Variants in SSBP2 observed in about 807,000 individuals in gnomAD.
SSBP2 encodes the protein single stranded DNA binding protein 2, also known as single-stranded DNA-binding protein 2.
SSBP2 carries 17 observed loss-of-function variants against 61.8 expected under a neutral mutation model. The observed-to-expected ratio is 0.28, with a 90% CI of 0.19 to 0.41. SSBP2 has a LOEUF of 0.41. SSBP2 is among the 10% of genes least tolerant of loss of function. SSBP2 has a pLI of 1.00. For synonymous variants in SSBP2, 139 were observed against 141.3 expected (o/e 0.98, Z 0.12); for missense variants, 310 against 458.7 (o/e 0.68, Z 2.96).
At chr5:81,744,994 C>A (rs1308753276) in intron 1 of SSBP2, among the ~76,000 whole-genome samples, 1 of 151,974 alleles carries the variant, frequency 6.6e-6, no homozygotes, top group Non-Finnish European at 1.5e-5. Context: ...AATTTTTGGT[C>A]CTATAATTAT....
At chr5:81,515,028 C>T (rs1768907939) in intron 4 of SSBP2, among the ~76,000 whole-genome samples, 1 of 151,906 alleles carries the variant, frequency 6.6e-6, no homozygotes, top group Admixed American at 6.6e-5. Flanking sequence ...AATTAGCGCA[C>T]ATTAATGGAA....
At chr5:81,626,588 T>G (rs1747171896) in intron 3 of SSBP2, among the ~76,000 whole-genome samples, 1 of 152,058 alleles carries the variant, frequency 6.6e-6, no homozygotes, top group African/African-American at 2.4e-5. Context: ...ATTATAAGAG[T>G]GGGATGGATA....
chr5:81,577,659 G>C (rs1475985074), intron 4 of SSBP2, among the ~76,000 whole-genome samples: 2 of 151,756 alleles, frequency 1.3e-5, no homozygotes, highest in Non-Finnish European at 2.9e-5. Context: ...CATTTGTCCT[G>C]AAAATCAATA....
At chr5:81,427,333 C>T (rs1477741371) in intron 16 of SSBP2, among the ~76,000 whole-genome samples, 1 of 151,930 alleles carries the variant, frequency 6.6e-6, no homozygotes, top group African/African-American at 2.4e-5. Flanking sequence ...TTTTTTTCAA[C>T]TGTAAACTGT....
intron 4 of SSBP2, among the ~76,000 whole-genome samples, chr5:81,565,842 T>C (rs1773380966): frequency 6.6e-6 from 1 of 152,210 alleles, no homozygotes; most frequent in East Asian, 1.9e-4. Context: ...AATTTATAGC[T>C]TCTCACATGT....
intron 3 of SSBP2, among the ~76,000 whole-genome samples, chr5:81,616,775 C>A (rs573245550): frequency 7.9e-5 from 12 of 151,578 alleles, no homozygotes; most frequent in Admixed American, 5.9e-4. Context: ...AGACTGCCTC[C>A]TCAAGTGGGT....
intron 1 of SSBP2, among the ~76,000 whole-genome samples, chr5:81,670,747 T>C (rs1281096163): frequency 6.6e-6 from 1 of 152,208 alleles, no homozygotes; most frequent in East Asian, 1.9e-4. Flanking sequence ...CATTTTGGCA[T>C]TTAAATCTAC....
chr5:81,729,547 G>A (rs911726389), intron 1 of SSBP2, among the ~76,000 whole-genome samples: 1 of 152,044 alleles, frequency 6.6e-6, no homozygotes, highest in Non-Finnish European at 1.5e-5. Flanking sequence ...GGCCTGACAT[G>A]AACCAATGAT....
intron 4 of SSBP2, among the ~76,000 whole-genome samples, chr5:81,562,440 G>C (rs1467073319): frequency 1.3e-5 from 2 of 151,928 alleles, no homozygotes; most frequent in Non-Finnish European, 2.9e-5. Context: ...GAGATAATTA[G>C]GTTGGTCCTG....
At chr5:81,486,655 A>G (rs1232276831) in intron 6 of SSBP2, among the ~76,000 whole-genome samples, 3 of 152,190 alleles carry the variant, frequency 2.0e-5, no homozygotes, top group East Asian at 3.8e-4. Context: ...AGGCACCTAT[A>G]TAAGTAGATC....
At chr5:81,727,080 A>G (rs976183936) in intron 1 of SSBP2, among the ~76,000 whole-genome samples, 7 of 152,222 alleles carry the variant, frequency 4.6e-5, no homozygotes, top group Admixed American at 1.3e-4. Flanking sequence ...GGCAAAATAG[A>G]GTGAAAATAG....
intron 7 of SSBP2, among the ~76,000 whole-genome samples, chr5:81,474,226 G>A (rs1470929269): frequency 6.6e-6 from 1 of 152,060 alleles, no homozygotes; most frequent in African/African-American, 2.4e-5. Flanking sequence ...CTTCCTACTT[G>A]TTAGATGTTA....
At chr5:81,455,726 G>C (rs1386818905) in intron 10 of SSBP2, among the ~76,000 whole-genome samples, 2 of 149,564 alleles carry the variant, frequency 1.3e-5, no homozygotes, top group African/African-American at 4.9e-5. Context: ...TAAAAATGAA[G>C]ATGTAGAAGA....
In SSBP2 at chr5:81,518,256, G is replaced by A. The variant is rs182576961; in HGVS notation, c.283-4539C>T. On this transcript the variant is annotated intron_variant, in intron 4 of 16. Transcript: ENST00000320672. ...GGTGAGTAGGAAGAGGCTGAGCAGG[G>A]GATTATAGATTTTCCTTATTTAGCC... Among the ~76,000 whole-genome samples the A allele has an allele frequency of 1.2e-4, 19 of 152,190 alleles. 1 individual carries two copies. The East Asian group carries it at 1.7e-3, about 14-fold the overall frequency.
intron 6 of SSBP2, among the ~76,000 whole-genome samples, chr5:81,476,704 T>G (rs1410675649): frequency 2.6e-5 from 4 of 152,170 alleles, no homozygotes; most frequent in Non-Finnish European, 5.9e-5. Context: ...TATTCTGAGA[T>G]TGTCAATATT....
intron 1 of SSBP2, among the ~76,000 whole-genome samples, chr5:81,678,357 A>G (rs1284883046): frequency 8.8e-6 from 1 of 113,700 alleles, no homozygotes; most frequent in Non-Finnish European, 1.8e-5. Context: ...AACAGTCCCA[A>G]CTGAAAAGCA....
intron 1 of SSBP2, among the ~76,000 whole-genome samples, chr5:81,660,745 C>A (rs1448845732): frequency 6.6e-6 from 1 of 152,042 alleles, no homozygotes; most frequent in Non-Finnish European, 1.5e-5. Flanking sequence ...TAGCAAAGAC[C>A]TGGAACAAAC....
chr5:81,498,817 A>T (rs1767483690), intron 5 of SSBP2, among the ~76,000 whole-genome samples: 1 of 152,140 alleles, frequency 6.6e-6, no homozygotes, highest in African/African-American at 2.4e-5. Context: ...TGAGAATATT[A>T]CGTTGAAAAA....
In SSBP2 at chr5:81,552,428, C is replaced by T. The variant is rs895629555; in HGVS notation, c.283-38711G>A. Reference sequence around the variant, plus strand: ...CCCAGGTGGGTGGATCACTTGAGGACAGGAGTTTGAGACCAGCCTGACCAA... The same window carrying T: ...CCCAGGTGGGTGGATCACTTGAGGATAGGAGTTTGAGACCAGCCTGACCAA... On this transcript the variant is annotated intron_variant, in intron 4 of 16. Transcript: ENST00000320672. Among the ~76,000 whole-genome samples, 7 of 152,168 alleles carry T rather than the reference C, an allele frequency of 4.6e-5. No homozygotes were observed. In the South Asian group the frequency reaches 1.0e-3, roughly 23 times the overall value.
Sources: allele counts gnomAD v4.1 joint callset (sites outside exome capture counted in the v4.1 genomes callset), GRCh38; gene constraint gnomAD v4.1.1; transcripts MANE v1.5; gene names NCBI Gene and HGNC (gene_info 2026-07-23, HGNC 2026-07-21).